The following UGGT2 variants were observed in gnomAD, a reference collection of about 807,000 sequenced individuals.
UGGT2 encodes the protein UDP-glucose glycoprotein glucosyltransferase 2, also known as UDP-glucose:glycoprotein glucosyltransferase 2.
UGGT2 carries 180 observed loss-of-function variants against 192.1 expected under a neutral mutation model. The observed-to-expected ratio is 0.94, with a 90% CI of 0.83 to 1.06. UGGT2 has a LOEUF of 1.06. Ranked by LOEUF, UGGT2 falls within the 50% of genes least tolerant of loss-of-function variation. The pLI, the probability that UGGT2 is intolerant of heterozygous loss-of-function variation, is 0.00. For synonymous variants in UGGT2, 580 were observed against 591.0 expected (o/e 0.98, Z 0.27); for missense variants, 1,849 against 1,795.7 (o/e 1.03, Z -0.54).
At chr13:95,902,678 T>C (rs983345267) in intron 21 of UGGT2, among the ~76,000 whole-genome samples, 176 bp downstream of exon 21, 3 of 151,824 alleles carry the variant, frequency 2.0e-5, no homozygotes, top group Non-Finnish European at 4.4e-5. Flanking sequence ...ATTTACTAAA[T>C]GCCTCTGTGC....
intron 3 of UGGT2, 88 bp from the exon 4 acceptor site, chr13:96,023,240 ACTC>A: frequency 9.5e-7 from 1 of 1,051,296 alleles, no homozygotes; most frequent in Non-Finnish European, 1.3e-6. Context: ...GATTAAAATA[ACTC>A]ATCAACTACT....
intron 38 of UGGT2, among the ~76,000 whole-genome samples, chr13:95,804,884 T>C (rs1884229495): frequency 1.3e-5 from 2 of 152,140 alleles, no homozygotes; most frequent in Non-Finnish European, 2.9e-5. Flanking sequence ...GACATGGCAA[T>C]GACTTCTTAC....
chr13:95,980,901 G>A (rs1424126405), intron 10 of UGGT2, among the ~76,000 whole-genome samples: 2 of 152,146 alleles, frequency 1.3e-5, no homozygotes, highest in Non-Finnish European at 2.9e-5. Flanking sequence ...AGGAGGCTGA[G>A]GCAGGAGAAT....
intron 4 of UGGT2, among the ~76,000 whole-genome samples, chr13:96,022,572 T>A (rs1291921629): frequency 6.6e-6 from 1 of 151,624 alleles, no homozygotes; most frequent in Admixed American, 6.6e-5. Context: ...GCAAAAAAAA[T>A]ATACTGGTAG....
At chr13:95,870,731 G>A (rs1415641192) in intron 29 of UGGT2, among the ~76,000 whole-genome samples, 1 of 152,200 alleles carries the variant, frequency 6.6e-6, no homozygotes, top group Admixed American at 6.5e-5. Context: ...GATAATATGG[G>A]AAGTCAGCCA....
chr13:95,955,253 A>G lies in UGGT2; in HGVS notation c.1336-5799T>C, dbSNP rs542301003. ...TACAAGAATAGATCTCAGGCGGCCT[A>G]AAGTCTGTGTCCACCAGGCTATGAT... On this transcript the variant is annotated intron_variant, in intron 12 of 38. Coordinates refer to ENST00000376747, the MANE Select transcript of UGGT2 (RefSeq NM_020121.4). Among the ~76,000 whole-genome samples, 21 of 152,226 alleles carry G rather than the reference A, an allele frequency of 1.4e-4. 1 individual carries two copies. Among genetic ancestry groups the G allele is most frequent in the Non-Finnish European group, 2.4e-4 (16 of 68,044 alleles).
chr13:95,901,506 C>T (rs2048103996), intron 21 of UGGT2, among the ~76,000 whole-genome samples: 1 of 152,066 alleles, frequency 6.6e-6, no homozygotes, highest in Non-Finnish European at 1.5e-5. Flanking sequence ...TCTCTCAGTA[C>T]TTCTCAAACT....
chr13:96,003,176 T>C (rs898109295), intron 5 of UGGT2, among the ~76,000 whole-genome samples: 1 of 152,202 alleles, frequency 6.6e-6, no homozygotes, highest in African/African-American at 2.4e-5. Context: ...TATTGTGTGT[T>C]CTGTCTCACC....
intron 20 of UGGT2, among the ~76,000 whole-genome samples, chr13:95,908,929 T>C (rs563841591): frequency 7.2e-6 from 1 of 138,356 alleles, no homozygotes; most frequent in East Asian, 2.1e-4. Context: ...TTTCTTTTGC[T>C]GTGCAGAAGC....
At chr13:95,893,035 A>AG (rs2047845886) in intron 24 of UGGT2, among the ~76,000 whole-genome samples, 1 of 151,964 alleles carries the variant, frequency 6.6e-6, no homozygotes, top group African/African-American at 2.4e-5. Flanking sequence ...ATGGAAGGGA[A>AG]TAGGCTAATA....
intron 26 of UGGT2, among the ~76,000 whole-genome samples, chr13:95,885,361 C>T (rs1346592631): frequency 6.6e-6 from 1 of 152,208 alleles, no homozygotes; most frequent in African/African-American, 2.4e-5. Flanking sequence ...CCAGGTTCTT[C>T]TAGTTCCCCA....
At chr13:95,824,274 T>C (rs1440371550) in intron 38 of UGGT2, among the ~76,000 whole-genome samples, 3 of 142,326 alleles carry the variant, frequency 2.1e-5, no homozygotes, top group African/African-American at 7.7e-5. Flanking sequence ...GCTTCGGTGA[T>C]GATCTTTTCA....
chr13:95,948,544 G>A (rs903146181), intron 13 of UGGT2, among the ~76,000 whole-genome samples: 9 of 152,048 alleles, frequency 5.9e-5, no homozygotes, highest in African/African-American at 9.7e-5. Flanking sequence ...AAAAACAGCC[G>A]TAGGTATTTT....
At chr13:95,987,236 TCTCTA>T (rs1343814542) in intron 8 of UGGT2, among the ~76,000 whole-genome samples, 1 of 152,108 alleles carries the variant, frequency 6.6e-6, no homozygotes, top group African/African-American at 2.4e-5. Flanking sequence ...TTATATATTC[TCTCTA>T]CTCAGGCTCA....
chr13:96,024,207 A>G (rs1358878062), intron 2 of UGGT2, among the ~76,000 whole-genome samples: 1 of 152,236 alleles, frequency 6.6e-6, no homozygotes, highest in Admixed American at 6.5e-5. Context: ...TAGTGTATCC[A>G]GAATACTTTT....
chr13:95,812,433 C>T (rs754506629), intron 38 of UGGT2, among the ~76,000 whole-genome samples: 8 of 152,164 alleles, frequency 5.3e-5, no homozygotes, highest in Non-Finnish European at 1.0e-4. Flanking sequence ...AAGAAACCCA[C>T]CCTTATATAC....
chr13:95,929,531 A>C (rs1358100227), intron 17 of UGGT2, among the ~76,000 whole-genome samples: 4 of 152,198 alleles, frequency 2.6e-5, no homozygotes, highest in East Asian at 3.9e-4. Flanking sequence ...GCTCCCACTC[A>C]TAAGAGAGAA....
At chr13:95,938,065 C>A (rs2049526067) in intron 16 of UGGT2, among the ~76,000 whole-genome samples, 1 of 152,188 alleles carries the variant, frequency 6.6e-6, no homozygotes. Flanking sequence ...GTTCTCTTCT[C>A]TTGTCTGCCA....
At chr13:95,907,764 G>A (rs1257674319) in intron 20 of UGGT2, among the ~76,000 whole-genome samples, 1 of 152,114 alleles carries the variant, frequency 6.6e-6, no homozygotes, top group African/African-American at 2.4e-5. Context: ...AAAGACCAAA[G>A]GTAGATAACA....
Sources: gnomAD v4.1 joint callset for allele counts (sites outside exome capture counted in the v4.1 genomes callset) on GRCh38, gnomAD v4.1.1 for gene constraint, MANE v1.5 for transcripts, NCBI Gene and HGNC (gene_info 2026-07-23, HGNC 2026-07-21) for gene names.